CAPN2: variants seen among roughly 807,000 people sequenced by gnomAD.
CAPN2 encodes the protein calpain-2 catalytic subunit.
CAPN2 carries 92 observed loss-of-function variants against 102.3 expected under a neutral mutation model. The ratio of observed to expected loss-of-function variants is 0.90; its 90% CI spans 0.76 to 1.07. The LOEUF is 1.07. Ranked by LOEUF, CAPN2 falls within the 50% of genes least tolerant of loss-of-function variation. The pLI is 0.00. For missense variants in CAPN2, 800 were observed against 909.4 expected (o/e 0.88, Z 1.55); for synonymous variants, 340 against 355.4 (o/e 0.96, Z 0.49).
intron 5 of CAPN2, among the ~76,000 whole-genome samples, chr1:223,748,020 C>G (rs960427880): frequency 6.6e-6 from 1 of 152,038 alleles, no homozygotes; most frequent in Admixed American, 6.5e-5. Context: ...TGAATCACCC[C>G]CACCCCTCTG....
chr1:223,763,524 C>G (rs746113508), intron 14 of CAPN2, among the ~76,000 whole-genome samples: 7 of 152,234 alleles, frequency 4.6e-5, no homozygotes, highest in Non-Finnish European at 1.0e-4. Context: ...ATAGAGACAT[C>G]TGAGCCCATG....
chr1:223,733,164 C>T (rs1046304858), intron 2 of CAPN2, among the ~76,000 whole-genome samples: 4 of 152,138 alleles, frequency 2.6e-5, no homozygotes, highest in Non-Finnish European at 4.4e-5. Context: ...GACAGAGCCA[C>T]AGGTAGCTCA....
At chr1:223,746,855 C>T (rs768195992) in intron 4 of CAPN2, 142 bp from the exon 5 acceptor site, 95 of 607,608 alleles carry the variant, frequency 1.6e-4, no homozygotes, top group Middle Eastern at 4.4e-4. Flanking sequence ...CTGAGCACCC[C>T]GAGCTGGGAA....
chr1:223,749,890 G>A (rs550604032), intron 6 of CAPN2, among the ~76,000 whole-genome samples: 15 of 152,080 alleles, frequency 9.9e-5, no homozygotes, highest in South Asian at 6.2e-4. Context: ...TGCCACTGTC[G>A]TCCCAGCTAC....
Position 223,744,201 on chromosome 1 carries a change from G to T in CAPN2, c.409G>T (p.Gly137Trp). The T allele has an allele frequency of 6.2e-7, 1 of 1,612,166 alleles. No homozygotes were observed. The highest frequency in any genetic ancestry group is 8.5e-7 in the Non-Finnish European group (1 of 1,178,178). ...CCAGAGCTTCCAGGAAAACTATGCA[G>T]GGATCTTTCACTTCCAGGTAACTTA... Reference protein sequence around the residue: ...LNQSFQENYAGIFHFQFWQYG... With the variant: ...LNQSFQENYAWIFHFQFWQYG... The change falls in exon 3 of 21, where the codon GGG becomes TGG. Residue 137 changes from glycine (G) to tryptophan (W), a missense_variant. Gly to Trp is a radical substitution (Grantham distance 184, BLOSUM62 -2). Coordinates refer to ENST00000295006, the MANE Select transcript of CAPN2 (RefSeq NM_001748.5).
chr1:223,759,755 C>T lies in CAPN2; in HGVS notation c.1529+274C>T, dbSNP rs537706201. Among the ~76,000 whole-genome samples, 5 of 152,332 alleles carry T rather than the reference C, an allele frequency of 3.3e-5. No individual in the cohort carries two copies. In the East Asian group the frequency reaches 7.7e-4, roughly 23 times the overall value. ...AGGGTCTAATTTCATAAGCGTGTCT[C>T]TGAATTCTCAAGTTGGTACTTTAAT... On this transcript the variant is annotated intron_variant, in intron 12 of 20. Coordinates refer to ENST00000295006, the MANE Select transcript of CAPN2 (RefSeq NM_001748.5). The surrounding 1 kb of genome is among the most constrained non-coding windows in gnomAD (Gnocchi z 4.6).
intron 20 of CAPN2, 35 bp from the exon 21 acceptor site, chr1:223,774,799 T>C: frequency 6.2e-7 from 1 of 1,605,950 alleles, no homozygotes; most frequent in Non-Finnish European, 8.5e-7. Context: ...TTAAAAGTGG[T>C]CACTGAGCTG....
intron 6 of CAPN2, among the ~76,000 whole-genome samples, chr1:223,750,408 T>C (rs1397982087): frequency 1.3e-5 from 2 of 152,224 alleles, no homozygotes; most frequent in Non-Finnish European, 2.9e-5. Flanking sequence ...TAACATTAAT[T>C]CAGTAGTGTC....
intron 11 of CAPN2, 84 bp downstream of exon 11, chr1:223,757,464 AGCCCGG>A: frequency 1.3e-6 from 2 of 1,485,434 alleles, no homozygotes; most frequent in South Asian, 2.3e-5. Context: ...AGCGTCGTGA[AGCCCGG>A]GCAGGGGCTG....
chr1:223,708,852 A>G (rs1659670200), upstream of CAPN2, among the ~76,000 whole-genome samples: 1 of 152,026 alleles, frequency 6.6e-6, no homozygotes, highest in African/African-American at 2.4e-5. Context: ...AAGAAAGAAA[A>G]AATAGAGAAA....
chr1:223,722,845 C>T (rs1660093126), intron 2 of CAPN2, among the ~76,000 whole-genome samples: 1 of 152,048 alleles, frequency 6.6e-6, no homozygotes, highest in Non-Finnish European at 1.5e-5. Context: ...TTAGTTTTCC[C>T]CTAAGGTTCT....
chr1:223,737,830 G>T (rs1334553878), intron 2 of CAPN2, among the ~76,000 whole-genome samples: 3 of 151,666 alleles, frequency 2.0e-5, no homozygotes, highest in Non-Finnish European at 2.9e-5. Flanking sequence ...AAAAAAAAAG[G>T]CATGCATGCT....
intron 2 of CAPN2, among the ~76,000 whole-genome samples, chr1:223,724,862 A>G (rs1351608432): frequency 6.6e-6 from 1 of 152,098 alleles, no homozygotes; most frequent in Non-Finnish European, 1.5e-5. Context: ...AGTTCCAGCT[A>G]CTTGGGAGGC....
rs74917842 is a variant in CAPN2 at position 223,771,566 on chromosome 1, G to A, written c.1904-243G>A. The stretch of plus-strand genomic sequence containing the variant: ...ACTGTGACCATGAGAACAGAAACAG[G>A]CAAGAAAACACTTATGTGTCAGCAA... On this transcript the variant is annotated intron_variant, in intron 18 of 20. Coordinates refer to ENST00000295006, the MANE Select transcript of CAPN2 (RefSeq NM_001748.5). 1.7e-3 allele frequency: 774 copies of A among 460,150 alleles called. 12 individuals are homozygous for A. The East Asian group carries it at 0.024, about 14-fold the overall frequency. 28.5% of individuals were successfully genotyped at this position (460,150 alleles called of 1,614,324 possible).
intron 2 of CAPN2, among the ~76,000 whole-genome samples, chr1:223,721,364 C>T (rs1660047875): frequency 1.3e-5 from 2 of 152,196 alleles, no homozygotes; most frequent in Admixed American, 1.3e-4. Flanking sequence ...AACTCCAAGG[C>T]TGAGCTGCTC....
chr1:223,748,965 G>A (rs1660818795), intron 5 of CAPN2, 74 bp from the exon 6 acceptor site: 1 of 1,395,340 alleles, frequency 7.2e-7, no homozygotes, highest in African/African-American at 1.4e-5. Flanking sequence ...CCCGGCAGTA[G>A]GACAGAGGGA....
chr1:223,730,338 G>GT (rs1660306551), intron 2 of CAPN2, among the ~76,000 whole-genome samples: 2 of 141,808 alleles, frequency 1.4e-5, no homozygotes, highest in Non-Finnish European at 1.5e-5. Flanking sequence ...AATATTATGA[G>GT]ATTTTTTTTT....
chr1:223,751,111 G>A, intron 7 of CAPN2, 136 bp downstream of exon 7: 1 of 787,728 alleles, frequency 1.3e-6, no homozygotes, highest in Non-Finnish European at 2.1e-6. Flanking sequence ...CGTGGACAGG[G>A]ACCCGTGGAC....
rs1661600131 is a variant in CAPN2, at chr1:223,775,628, T to G, written c.*771T>G. 6.6e-6 allele frequency: 1 copy of G among 152,650 alleles called. No individual in the cohort carries two copies. The highest frequency in any genetic ancestry group is 6.5e-5 in the Admixed American group (1 of 15,286). 9.5% of individuals were successfully genotyped at this position (152,650 alleles called of 1,614,324 possible). A position where few individuals can be genotyped will look rare whatever the true frequency, so the allele number is the denominator to read the frequency against. On this transcript the variant is annotated 3_prime_UTR_variant, in exon 21 of 21. Transcript: ENST00000295006. The stretch of plus-strand genomic sequence containing the variant: ...ATGATAAAGGACAAAATAAGCTGTT[T>G]GCCACCTCAAAACTTTATGAACTTC...
Sources: gnomAD v4.1 joint callset for allele counts (sites outside exome capture counted in the v4.1 genomes callset) on GRCh38, gnomAD v4.1.1 for gene constraint, Gnocchi (gnomAD v3.1) non-coding constraint, MANE v1.5 for transcripts, NCBI Gene and HGNC (gene_info 2026-07-23, HGNC 2026-07-21) for gene names.